The following LBHD2 variants were observed in gnomAD, a reference collection of about 807,000 sequenced individuals.
The protein encoded by LBHD2 is LBH domain containing 2, also known as LBH domain-containing protein 2.
chr14:103,088,290 C>A, intron 3 of LBHD2, 49 bp downstream of exon 3: 1 of 398,724 alleles, frequency 2.5e-6, no homozygotes. Context: ...GTGGCCACTG[C>A]CAGGGTCAGA....
At chr14:103,085,237 G>A (rs990106370) in intron 1 of LBHD2, among the ~76,000 whole-genome samples, 11 of 149,582 alleles carry the variant, frequency 7.4e-5, no homozygotes, top group Non-Finnish European at 1.0e-4. Context: ...GCCCCCGCCC[G>A]TGGCCCCCTA....
chr14:103,089,575 C>G (rs553506501), intron 3 of LBHD2, 122 bp from the exon 4 acceptor site: 1 of 397,856 alleles, frequency 2.5e-6, no homozygotes, highest in Non-Finnish European at 4.4e-6. Flanking sequence ...TCTCATCACC[C>G]GAGGGGACCT....
chr14:103,084,834 G>C (rs1889613407), intron 1 of LBHD2, among the ~76,000 whole-genome samples: 1 of 152,126 alleles, frequency 6.6e-6, no homozygotes, highest in South Asian at 2.1e-4. Flanking sequence ...CTGGGTCTCT[G>C]TCCTGGCTGC....
chr14:103,086,687 G>C (rs1040470065), intron 2 of LBHD2, among the ~76,000 whole-genome samples: 8 of 151,870 alleles, frequency 5.3e-5, no homozygotes, highest in Middle Eastern at 3.2e-3. Context: ...TTTTGGCAGG[G>C]GATGGGGAGG....
At chr14:103,088,407 G>A (rs1326979727) in intron 3 of LBHD2, among the ~76,000 whole-genome samples, 166 bp downstream of exon 3, 1 of 152,228 alleles carries the variant, frequency 6.6e-6, no homozygotes, top group African/African-American at 2.4e-5. Flanking sequence ...GACTCTAGGT[G>A]CTGCCTGGCC....
rs578100821 is a variant in LBHD2 at position 103,086,025 on chromosome 14, C to G, written c.13C>G (p.Arg5Gly). 5 of 398,584 alleles carry G rather than the reference C, an allele frequency of 1.3e-5. No homozygotes were observed. Among genetic ancestry groups the G allele is most frequent in the African/African-American group, 2.1e-5 (1 of 48,636 alleles). The allele number at this position is 398,584 out of a possible 1,614,324, so 24.7% of individuals were successfully genotyped here. The change falls in exon 2 of 4, where the codon CGG becomes GGG. Residue 5 changes from arginine to glycine, a missense_variant. Coordinates refer to ENST00000634353, the MANE Select transcript of LBHD2 (RefSeq NM_001330236.2). MSTPRPAPPQPGAAE... is the reference protein window; with the variant it reads MSTPGPAPPQPGAAE... ...TGGCGGCAGCAGCATGAGCACCCCC[C>G]GGCCTGCTCCACCACAGCCAGGCGC... is the stretch of plus-strand genomic sequence containing the variant.
At position 103,089,901 on chromosome 14, in the gene LBHD2, C is replaced by T; in HGVS notation, c.*104C>T. The T allele has an allele frequency of 2.5e-6, 1 of 397,544 alleles. No individual in the cohort carries two copies. The allele number at this position is 397,544 out of a possible 1,614,324, so 24.6% of individuals were successfully genotyped here. On this transcript the variant is annotated 3_prime_UTR_variant, in exon 4 of 4. Transcript: ENST00000634353. The stretch of plus-strand genomic sequence containing the variant: ...GCCGGGCCTGCCCAGCCTGGAAAGC[C>T]CAGAGGCTGCTTCCTGTGTCACAGG...
rs1889688785 is a variant in LBHD2 at position 103,089,815 on chromosome 14, G to T, written c.*18G>T. On this transcript the variant is annotated 3_prime_UTR_variant, in exon 4 of 4. Transcript: ENST00000634353. ...GGGGATAGGACAAGGACGTGGCTGGGCTCTGCTGTCTGACTGCTGAGGGCC... is the reference window on the plus strand; with the variant it reads ...GGGGATAGGACAAGGACGTGGCTGGTCTCTGCTGTCTGACTGCTGAGGGCC... 2.5e-6 allele frequency: 1 copy of T among 398,586 alleles called. No individual in the cohort carries two copies. Among genetic ancestry groups the T allele is most frequent in the East Asian group, 3.6e-5 (1 of 28,072 alleles). 24.7% of individuals were successfully genotyped at this position (398,586 alleles called of 1,614,324 possible). A position where few individuals can be genotyped will look rare whatever the true frequency, so the allele number is the denominator to read the frequency against.
chr14:103,087,744 C>T (rs1002063562), intron 2 of LBHD2, among the ~76,000 whole-genome samples: 1 of 152,162 alleles, frequency 6.6e-6, no homozygotes, highest in East Asian at 1.9e-4. Context: ...GCTGGGGGTG[C>T]GCAGAAGCCT....
intron 3 of LBHD2, among the ~76,000 whole-genome samples, chr14:103,088,778 G>A (rs1432720957): frequency 6.6e-6 from 1 of 152,238 alleles, no homozygotes; most frequent in Admixed American, 6.5e-5. Flanking sequence ...TGGATCAGTT[G>A]AGGTCAGGAG....
Position 103,089,781 on chromosome 14 carries a change from C to T in LBHD2, c.311C>T (p.Ala104Val), listed in dbSNP as rs986726067. 26 of 398,662 alleles carry T rather than the reference C, an allele frequency of 6.5e-5. No individual in the cohort carries two copies. The highest frequency in any genetic ancestry group is 6.3e-4 in the Middle Eastern group (1 of 1,590). The allele number at this position is 398,662 out of a possible 1,614,324, so 24.7% of individuals were successfully genotyped here. The change falls in exon 4 of 4, where the codon GCC (alanine) becomes GTC (valine). Residue 104 changes from alanine (A) to valine (V), a missense_variant. By Grantham distance (64) the Ala-to-Val change is moderately conservative. Coordinates refer to ENST00000634353, the MANE Select transcript of LBHD2 (RefSeq NM_001330236.2). ...TGTGCCTGCTCCGAGGACCCAGCAG[C>T]CCCGGCCCGGGGATAGGACAAGGAC... ...SECACSEDPA[A>V]PARG
At chr14:103,084,757 C>T in intron 1 of LBHD2, among the ~76,000 whole-genome samples, 1 of 152,160 alleles carries the variant, frequency 6.6e-6, no homozygotes, top group East Asian at 1.9e-4. Flanking sequence ...CCAGCTCAGT[C>T]ACCTCTCGCC....
chr14:103,087,719 T>C (rs1889653735), intron 2 of LBHD2, among the ~76,000 whole-genome samples: 1 of 152,198 alleles, frequency 6.6e-6, no homozygotes, highest in Admixed American at 6.5e-5. Context: ...GGCAGGAGTC[T>C]GGGTGCAGGA....
chr14:103,089,576 G>A (rs999389354), intron 3 of LBHD2, 121 bp from the exon 4 acceptor site: 12 of 397,730 alleles, frequency 3.0e-5, no homozygotes, highest in Admixed American at 1.3e-4. Flanking sequence ...CTCATCACCC[G>A]AGGGGACCTC....
chr14:103,088,159 G>C lies in LBHD2; in HGVS notation c.144G>C (p.Glu48Asp). 1 of 398,664 alleles carries C rather than the reference G, an allele frequency of 2.5e-6. No homozygotes were observed. Among genetic ancestry groups the C allele is most frequent in the East Asian group, 3.6e-5 (1 of 28,074 alleles). 24.7% of individuals were successfully genotyped at this position (398,664 alleles called of 1,614,324 possible). Residue 48 changes from glutamate (E) to aspartate (D), a missense_variant, in exon 3 of 4, where the codon GAG becomes GAC. By Grantham distance (45) the Glu-to-Asp change is conservative (BLOSUM62 2). Transcript: ENST00000634353. Reference sequence around the variant, plus strand: ...CCTCAATCGTGGTGGAGCCCAGCGAGGCGGACCCTGTGGAAAGTGGGGAGC... The same window carrying C: ...CCTCAATCGTGGTGGAGCCCAGCGACGCGGACCCTGTGGAAAGTGGGGAGC... ...RLPSIVVEPSEADPVESGELR... is the reference protein window; with the variant it reads ...RLPSIVVEPSDADPVESGELR...
At chr14:103,085,467 T>G (rs989949371) in intron 1 of LBHD2, among the ~76,000 whole-genome samples, 3 of 152,054 alleles carry the variant, frequency 2.0e-5, no homozygotes, top group Admixed American at 2.0e-4. Flanking sequence ...GGGGCAGGAC[T>G]TCATTTCCCC....
chr14:103,087,134 G>C (rs1889645671), intron 2 of LBHD2, among the ~76,000 whole-genome samples: 1 of 152,242 alleles, frequency 6.6e-6, no homozygotes, highest in African/African-American at 2.4e-5. Flanking sequence ...GCTGTCCTCT[G>C]ACAGCTCCTT....
intron 2 of LBHD2, 69 bp from the exon 3 acceptor site, chr14:103,088,016 G>A (rs1458204326): frequency 2.5e-6 from 1 of 398,464 alleles, no homozygotes; most frequent in Non-Finnish European, 4.4e-6. Flanking sequence ...GCAGTGTGCA[G>A]GACAGGGGTA....
rs779500425 is a variant in LBHD2 at position 103,089,993 on chromosome 14, G to A, written c.*196G>A. 2 of 394,934 alleles carry A rather than the reference G, an allele frequency of 5.1e-6. No homozygotes were observed. Among genetic ancestry groups the A allele is most frequent in the Non-Finnish European group, 8.9e-6 (2 of 224,268 alleles). 24.5% of individuals were successfully genotyped at this position (394,934 alleles called of 1,614,324 possible). ...TCTGGATCACACCCCGCTTTGTTCC[G>A]TGGTTTGAAGCAGAAATAAAGGCAC... On this transcript the variant is annotated 3_prime_UTR_variant, in exon 4 of 4. Transcript: ENST00000634353.
Sources: gnomAD v4.1 joint callset for allele counts (sites outside exome capture counted in the v4.1 genomes callset) on GRCh38, gnomAD v4.1.1 for gene constraint, MANE v1.5 for transcripts, NCBI Gene and HGNC (gene_info 2026-07-23, HGNC 2026-07-21) for gene names.